Variants in PPP2R2B observed in about 807,000 individuals in gnomAD.
The protein encoded by PPP2R2B is serine/threonine-protein phosphatase 2A 55 kDa regulatory subunit B beta isoform.
Under a neutral mutation model 46.0 loss-of-function variants are expected in PPP2R2B, and 5 were observed. The observed-to-expected ratio is 0.11, with a 90% confidence interval of 0.06 to 0.23. The LOEUF (loss-of-function observed/expected upper bound fraction) is 0.23. PPP2R2B is among the 10% of genes least tolerant of loss of function. The pLI is 1.00. For missense variants in PPP2R2B, 367 were observed against 575.0 expected (o/e 0.64, Z 3.70); for synonymous variants, 215 against 206.7 (o/e 1.04, Z -0.34).
At chr5:146,739,031 T>G (rs530047658) in intron 2 of PPP2R2B, among the ~76,000 whole-genome samples, 171 of 152,224 alleles carry the variant, frequency 1.1e-3, no homozygotes, top group African/African-American at 3.9e-3. Flanking sequence ...ACCTATTTTT[T>G]TTTTAAGAGA....
chr5:146,960,926 C>T (rs1213505445), intron 1 of PPP2R2B, among the ~76,000 whole-genome samples: 4 of 152,148 alleles, frequency 2.6e-5, no homozygotes, highest in East Asian at 1.9e-4. Flanking sequence ...TTGTAAAATT[C>T]CAGGAATAGA....
intron 2 of PPP2R2B, chr5:146,707,125 G>A (rs2151175934): frequency 4.4e-6 from 7 of 1,596,052 alleles, no homozygotes; most frequent in South Asian, 1.1e-5. Flanking sequence ...GCCAAGCTCC[G>A]CCTCCAGCTT....
chr5:146,718,957 A>C (rs924889444), intron 2 of PPP2R2B, among the ~76,000 whole-genome samples: 13 of 152,226 alleles, frequency 8.5e-5, no homozygotes, highest in African/African-American at 2.7e-4. Context: ...AGTCACATGA[A>C]ATAATGGCTG....
chr5:146,583,207 G>A lies in PPP2R2B; in HGVS notation c.*6740C>T, dbSNP rs1413478566. ...TCACCTTGGGAATCACCTCCTCTGGGAAGCTTCTGGTCTGGATGAGTTAGT... is the reference window on the plus strand; with the variant it reads ...TCACCTTGGGAATCACCTCCTCTGGAAAGCTTCTGGTCTGGATGAGTTAGT... On this transcript the variant is annotated 3_prime_UTR_variant, in exon 10 of 10. Transcript: ENST00000394411. 1 of 152,144 alleles carries A rather than the reference G, an allele frequency of 6.6e-6. No homozygotes were observed. Among genetic ancestry groups the A allele is most frequent in the East Asian group, 1.9e-4 (1 of 5,188 alleles). The allele number at this position is 152,144 out of a possible 1,614,324, so 9.4% of individuals were successfully genotyped here.
intron 1 of PPP2R2B, among the ~76,000 whole-genome samples, chr5:146,968,901 G>T (rs763830565): frequency 6.6e-6 from 1 of 152,142 alleles, no homozygotes; most frequent in Admixed American, 6.5e-5. Context: ...TGAGTCTTAA[G>T]CTTTTATTAT....
At chr5:146,876,753 A>T (rs1761919881) in intron 2 of PPP2R2B, among the ~76,000 whole-genome samples, 1 of 152,314 alleles carries the variant, frequency 6.6e-6, no homozygotes. Context: ...CTCTCCAAAA[A>T]TGATGACAAA....
At chr5:147,067,219 C>T (rs1166016681) in intron 2 of PPP2R2B, among the ~76,000 whole-genome samples, 4 of 152,086 alleles carry the variant, frequency 2.6e-5, no homozygotes, top group Non-Finnish European at 4.4e-5. Context: ...TTCCAGTATA[C>T]AATACCTTGT....
chr5:146,855,596 T>C (rs1320863729), intron 2 of PPP2R2B, among the ~76,000 whole-genome samples: 1 of 152,192 alleles, frequency 6.6e-6, no homozygotes, highest in Non-Finnish European at 1.5e-5. Context: ...AGAGCCTTTT[T>C]CCCTCTTCGT....
chr5:147,075,171 C>CGAAG (rs1206869200), intron 2 of PPP2R2B, among the ~76,000 whole-genome samples: 1 of 152,084 alleles, frequency 6.6e-6, no homozygotes, highest in Non-Finnish European at 1.5e-5. Context: ...TAAAGTACTT[C>CGAAG]TAATGAGGAA....
intron 2 of PPP2R2B, among the ~76,000 whole-genome samples, chr5:146,823,615 T>C (rs1187768659): frequency 6.6e-6 from 1 of 152,144 alleles, no homozygotes; most frequent in African/African-American, 2.4e-5. Context: ...GGTAACCTCA[T>C]TCCTAATGTC....
At chr5:146,840,481 A>C (rs1759567719) in intron 2 of PPP2R2B, among the ~76,000 whole-genome samples, 1 of 152,218 alleles carries the variant, frequency 6.6e-6, no homozygotes, top group Non-Finnish European at 1.5e-5. Context: ...TAACCAAATT[A>C]ATCTCTCCTT....
intron 7 of PPP2R2B, among the ~76,000 whole-genome samples, chr5:146,609,419 C>A (rs1456782159): frequency 6.6e-6 from 1 of 152,164 alleles, no homozygotes; most frequent in East Asian, 1.9e-4. Context: ...TCCTTGTTTG[C>A]CAATGATATG....
chr5:147,007,737 G>A (rs922387875), intron 1 of PPP2R2B, among the ~76,000 whole-genome samples: 4 of 152,086 alleles, frequency 2.6e-5, no homozygotes, highest in Admixed American at 6.6e-5. Flanking sequence ...AAACAACTCC[G>A]GATGTGCCAT....
intron 1 of PPP2R2B, among the ~76,000 whole-genome samples, chr5:146,928,476 A>G (rs319137): frequency 0.47 from 71,564 of 151,770 alleles, 19,171 homozygotes; most frequent in East Asian, 0.73. Flanking sequence ...AAAAAAAATC[A>G]AGTTATTCTT....
chr5:147,055,923 G>A (rs556606697), exon 1 of PPP2R2B: 1 of 1,428,478 alleles, frequency 7.0e-7, no homozygotes, highest in African/African-American at 1.4e-5. Context: ...ATCAGCGCCA[G>A]GAAGCACTGC....
intron 2 of PPP2R2B, among the ~76,000 whole-genome samples, chr5:146,867,246 C>G (rs543549780): frequency 6.6e-6 from 1 of 152,292 alleles, no homozygotes; most frequent in African/African-American, 2.4e-5. Context: ...TATCTATGGT[C>G]TTGTTCAACC....
At chr5:146,973,724 G>A (rs1044053881) in intron 1 of PPP2R2B, among the ~76,000 whole-genome samples, 4 of 152,178 alleles carry the variant, frequency 2.6e-5, no homozygotes, top group African/African-American at 7.2e-5. Context: ...GACAACAGAG[G>A]TAAGTGGTAT....
rs1001231712 is a variant in PPP2R2B at position 146,589,326 on chromosome 5, A to G, written c.*621T>C. 1 of 152,556 alleles carries G rather than the reference A, an allele frequency of 6.6e-6. No individual in the cohort carries two copies. Among genetic ancestry groups the G allele is most frequent in the Non-Finnish European group, 1.5e-5 (1 of 68,208 alleles). The allele number at this position is 152,556 out of a possible 1,614,324, so 9.5% of individuals were successfully genotyped here. On this transcript the variant is annotated 3_prime_UTR_variant, in exon 10 of 10. Coordinates refer to ENST00000394411, the MANE Select transcript of PPP2R2B (RefSeq NM_181675.4). ...GGCTGTTTCTATGGAGCTTACAAAAAAAGAGCATAGCAGGGTTGATGTGCC... is the reference window on the plus strand; with the variant it reads ...GGCTGTTTCTATGGAGCTTACAAAAGAAGAGCATAGCAGGGTTGATGTGCC...
intron 2 of PPP2R2B, among the ~76,000 whole-genome samples, chr5:147,073,705 A>G (rs1757672063): frequency 1.3e-5 from 2 of 152,196 alleles, no homozygotes; most frequent in Admixed American, 6.5e-5. Flanking sequence ...GGAAAGAAAG[A>G]ATAGAATTTC....
Sources: allele counts gnomAD v4.1 joint callset (sites outside exome capture counted in the v4.1 genomes callset), GRCh38; gene constraint gnomAD v4.1.1; transcripts MANE v1.5; gene names NCBI Gene and HGNC (gene_info 2026-07-23, HGNC 2026-07-21).